Variants in WIPF1 observed in about 807,000 individuals in gnomAD.
The protein encoded by WIPF1 is WAS/WASL-interacting protein family member 1.
WIPF1 carries 13 observed loss-of-function variants against 35.4 expected under a neutral mutation model. The ratio of observed to expected loss-of-function variants is 0.37; its 90% CI spans 0.24 to 0.58. WIPF1 has a LOEUF of 0.58. WIPF1 is among the 20% of genes least tolerant of loss of function. The probability of loss-of-function intolerance (pLI) is 0.74; values close to 1 mark genes in which losing one functional copy is unlikely to be tolerated. For synonymous variants in WIPF1, 267 were observed against 266.3 expected (o/e 1.00, Z -0.02); for missense variants, 591 against 667.0 (o/e 0.89, Z 1.25).
intron 1 of WIPF1, among the ~76,000 whole-genome samples, chr2:174,635,529 G>GTTTTTTTT (rs1197924942): frequency 9.5e-5 from 11 of 115,616 alleles, no homozygotes; most frequent in South Asian, 3.0e-4. Flanking sequence ...CCTTCTGTTT[G>GTTTTTTTT]TTTTTTTTTT....
rs1307525652 is a variant in WIPF1, at chr2:174,567,925, C to A, written c.1278G>T (p.Gly426=). 6.2e-7 allele frequency: 1 copy of A among 1,613,482 alleles called. No homozygotes were observed. The highest frequency in any genetic ancestry group is 8.5e-7 in the Non-Finnish European group (1 of 1,179,706). Residue 426 remains glycine (G), a synonymous_variant, in exon 6 of 8, where the codon GGG becomes GGT. Transcript: ENST00000679041. ...TTGATGGTGGAGGTGGGGGAGGTGCCCCAGCACTGGGCCTATCAGGAGGAA... is the reference window on the plus strand; with the variant it reads ...TTGATGGTGGAGGTGGGGGAGGTGCACCAGCACTGGGCCTATCAGGAGGAA... ...PPLPPDRPSA[G]APPPPPPSTS...
At chr2:174,624,810 T>C (rs1686779335) in intron 1 of WIPF1, among the ~76,000 whole-genome samples, 1 of 152,108 alleles carries the variant, frequency 6.6e-6, no homozygotes, top group Non-Finnish European at 1.5e-5. Context: ...ATTATTTTAA[T>C]ACCCAGGATG....
intron 1 of WIPF1, among the ~76,000 whole-genome samples, chr2:174,679,785 C>T (rs986366356): frequency 6.6e-6 from 1 of 152,214 alleles, no homozygotes; most frequent in African/African-American, 2.4e-5. Context: ...ATACAAGGGA[C>T]AGACTTAAGT....
intron 1 of WIPF1, among the ~76,000 whole-genome samples, chr2:174,608,183 G>C (rs1559159780): frequency 6.6e-6 from 1 of 152,218 alleles, no homozygotes; most frequent in East Asian, 1.9e-4. Flanking sequence ...TGACTGACTT[G>C]GAAAAGAGGC....
chr2:174,670,655 G>A (rs1247906607), intron 1 of WIPF1, among the ~76,000 whole-genome samples: 1 of 152,200 alleles, frequency 6.6e-6, no homozygotes, highest in Admixed American at 6.5e-5. Flanking sequence ...ATCTAGCATG[G>A]TCTGCTGCTG....
chr2:174,653,926 A>G (rs1687591995), intron 1 of WIPF1, among the ~76,000 whole-genome samples: 1 of 152,122 alleles, frequency 6.6e-6, no homozygotes, highest in Non-Finnish European at 1.5e-5. Context: ...TATCAGAGAA[A>G]GCACAAGTCA....
chr2:174,591,106 A>G (rs1353271977), intron 1 of WIPF1, among the ~76,000 whole-genome samples: 4 of 152,236 alleles, frequency 2.6e-5, no homozygotes, highest in African/African-American at 2.4e-5. Flanking sequence ...AGGAAGAGAC[A>G]TCAGGCATGT....
intron 1 of WIPF1, among the ~76,000 whole-genome samples, chr2:174,593,308 A>G (rs1685685218): frequency 6.6e-6 from 1 of 152,246 alleles, no homozygotes; most frequent in Admixed American, 6.5e-5. Context: ...AACAAAATTT[A>G]TAATACATGT....
chr2:174,600,467 T>C (rs1685966939), upstream of WIPF1, among the ~76,000 whole-genome samples: 2 of 152,236 alleles, frequency 1.3e-5, no homozygotes, highest in Admixed American at 6.5e-5. Context: ...TCATCTCAAG[T>C]AATATTCTGC....
At position 174,622,342 on chromosome 2, in the gene WIPF1, T is replaced by G. The variant is rs917998524; in HGVS notation, c.-38-36731A>C. ...TAACCTAAAAAAATCTAAAGACATA[T>G]TTAGTGTCATCCTAAGTAACTATAT... On this transcript the variant is annotated intron_variant, in intron 1 of 8. Transcript: ENST00000272746. This position sits in a 1 kb window ranked among gnomAD's most constrained non-coding sequence, Gnocchi z 5.1. 6.6e-6 allele frequency among the ~76,000 whole-genome samples: 1 copy of G among 152,244 alleles called. No individual in the cohort carries two copies. Among genetic ancestry groups the G allele is most frequent in the African/African-American group, 2.4e-5 (1 of 41,462 alleles).
chr2:174,641,325 G>T (rs995540883), intron 1 of WIPF1, among the ~76,000 whole-genome samples: 4 of 152,172 alleles, frequency 2.6e-5, no homozygotes, highest in African/African-American at 9.7e-5. Flanking sequence ...GATGCTGAGG[G>T]GTTGCAAGAA....
intron 1 of WIPF1, among the ~76,000 whole-genome samples, chr2:174,651,675 C>T (rs1687535908): frequency 6.6e-6 from 1 of 152,148 alleles, no homozygotes; most frequent in South Asian, 2.1e-4. Flanking sequence ...ATGGTAACTA[C>T]CCAAGCTATG....
intron 1 of WIPF1, among the ~76,000 whole-genome samples, chr2:174,591,483 C>G (rs1685605670): frequency 6.6e-6 from 1 of 151,868 alleles, no homozygotes; most frequent in African/African-American, 2.4e-5. Flanking sequence ...AAGTGACTGC[C>G]AAAGGTTTAT....
intron 1 of WIPF1, among the ~76,000 whole-genome samples, chr2:174,644,596 G>C (rs147754764): frequency 2.0e-5 from 3 of 152,278 alleles, no homozygotes; most frequent in Admixed American, 2.0e-4. Context: ...GCAATCTGGA[G>C]ATCTACAGAG....
chr2:174,659,600 C>T (rs907420325), intron 1 of WIPF1, among the ~76,000 whole-genome samples: 1 of 152,086 alleles, frequency 6.6e-6, no homozygotes, highest in Non-Finnish European at 1.5e-5. Flanking sequence ...ATCATAGTTT[C>T]AGGACTGGAA....
chr2:174,602,371 A>G (rs779278037), upstream of WIPF1, among the ~76,000 whole-genome samples: 4 of 152,244 alleles, frequency 2.6e-5, no homozygotes, highest in Non-Finnish European at 5.9e-5. Flanking sequence ...ATATGGCAAC[A>G]TAAGTTTTAA....
At chr2:174,676,014 A>AT (rs1688122326) in intron 1 of WIPF1, among the ~76,000 whole-genome samples, 1 of 149,362 alleles carries the variant, frequency 6.7e-6, no homozygotes, top group Non-Finnish European at 1.5e-5. Context: ...TGGCATGATC[A>AT]TGGCTCACTT....
At chr2:174,665,867 C>T (rs1053179351) in intron 1 of WIPF1, among the ~76,000 whole-genome samples, 1 of 152,202 alleles carries the variant, frequency 6.6e-6, no homozygotes, top group Non-Finnish European at 1.5e-5. Context: ...CATGCAGACA[C>T]CGTCCCACTT....
At chr2:174,576,393 T>G (rs1302695154) in intron 3 of WIPF1, among the ~76,000 whole-genome samples, 1 of 152,232 alleles carries the variant, frequency 6.6e-6, no homozygotes, top group East Asian at 1.9e-4. Context: ...GCACTTCTTG[T>G]GTCATACTCT....
Sources: allele counts gnomAD v4.1 joint callset (sites outside exome capture counted in the v4.1 genomes callset), GRCh38; gene constraint gnomAD v4.1.1; non-coding constraint Gnocchi (gnomAD v3.1); transcripts MANE v1.5; gene names NCBI Gene and HGNC (gene_info 2026-07-23, HGNC 2026-07-21).